Variants in NFIA observed in about 807,000 individuals in gnomAD.
The protein encoded by NFIA is nuclear factor I A.
NFIA carries 8 observed loss-of-function variants against 62.8 expected under a neutral mutation model. That is an observed-to-expected ratio of 0.13 (90% CI 0.07 to 0.23). NFIA has a LOEUF of 0.23. Among genes scored for constraint, NFIA ranks in the 10% least tolerant of loss-of-function variants. The probability of loss-of-function intolerance (pLI) is 1.00; values close to 1 mark genes in which losing one functional copy is unlikely to be tolerated. For missense variants in NFIA, 410 were observed against 642.1 expected, an observed-to-expected ratio of 0.64 and a Z score of 3.91; for synonymous variants, 235 against 238.1, an observed-to-expected ratio of 0.99 and a Z score of 0.12.
chr1:61,441,049 G>A (rs867730128), intron 10 of NFIA, among the ~76,000 whole-genome samples: 1 of 152,186 alleles, frequency 6.6e-6, no homozygotes, highest in East Asian at 1.9e-4. Context: ...CAACTTGCAA[G>A]GCCCCAAAGC....
chr1:61,128,126 A>G (rs1647007393), intron 2 of NFIA, among the ~76,000 whole-genome samples: 1 of 152,168 alleles, frequency 6.6e-6, no homozygotes, highest in East Asian at 1.9e-4. Context: ...ATTTTTATTC[A>G]ATAATGTAGA....
rs1274232094 is a variant in NFIA, at chr1:61,097,274, TAGAC to T, written c.559+8597_559+8600del. ...CAAATAACTTGTGAGTTTCCAGACA[TAGAC>T]AGTTCTCAGAGCATGTGTATTCATA... is the stretch of plus-strand genomic sequence containing the variant. On this transcript the variant is annotated intron_variant, in intron 2 of 10. Transcript: ENST00000403491. Among the ~76,000 whole-genome samples, 8 of 152,182 alleles carry T rather than the reference TAGAC, an allele frequency of 5.3e-5. 1 individual carries two copies. Among genetic ancestry groups the T allele is most frequent in the African/African-American group, 9.7e-5 (4 of 41,432 alleles).
intron 3 of NFIA, among the ~76,000 whole-genome samples, chr1:61,279,647 C>T (rs975013929): frequency 5.3e-5 from 8 of 152,198 alleles, no homozygotes; most frequent in Middle Eastern, 3.4e-3. Flanking sequence ...GTGGACTGTA[C>T]GGGTGTGTAG....
Position 61,286,579 on chromosome 1 carries a change from ACAGGTAT to A in NFIA, c.625+8995_625+9001del, listed in dbSNP as rs562913151. On this transcript the variant is annotated intron_variant, in intron 3 of 10. Coordinates refer to ENST00000403491, the MANE Select transcript of NFIA (RefSeq NM_001134673.4). ...CACCATTTGTTCGTTCATTCATTCA[ACAGGTAT>A]TTATCAAATACACTCTAAGAACCAG... Among the ~76,000 whole-genome samples, 112 of 152,302 alleles carry A rather than the reference ACAGGTAT, an allele frequency of 7.4e-4. No homozygotes were observed. In the Middle Eastern group the frequency reaches 0.01, roughly 14 times the overall value.
At chr1:61,331,136 T>G (rs1661279634) in intron 3 of NFIA, among the ~76,000 whole-genome samples, 1 of 152,142 alleles carries the variant, frequency 6.6e-6, no homozygotes, top group South Asian at 2.1e-4. Flanking sequence ...GATGGTAAAA[T>G]TTTGCCATTT....
chr1:61,265,338 A>G (rs1657091878), intron 2 of NFIA, among the ~76,000 whole-genome samples: 1 of 152,248 alleles, frequency 6.6e-6, no homozygotes, highest in Non-Finnish European at 1.5e-5. Flanking sequence ...GGAGAAAGCC[A>G]TGGTAGAATT....
chr1:61,390,414 C>T (rs553247088), intron 7 of NFIA, among the ~76,000 whole-genome samples: 72 of 151,994 alleles, frequency 4.7e-4, no homozygotes, highest in Non-Finnish European at 9.1e-4. Context: ...AAAGCAATCA[C>T]CATATAAACC....
intron 2 of NFIA, among the ~76,000 whole-genome samples, chr1:61,134,852 T>A (rs1379025887): frequency 6.6e-6 from 1 of 152,160 alleles, no homozygotes; most frequent in African/African-American, 2.4e-5. Flanking sequence ...CAAATTTTTT[T>A]AAACAAGTGT....
chr1:61,242,642 C>T (rs1655412592), intron 2 of NFIA, among the ~76,000 whole-genome samples: 1 of 152,124 alleles, frequency 6.6e-6, no homozygotes, highest in African/African-American at 2.4e-5. Flanking sequence ...CTTCTCCAGG[C>T]AGTTAGTTTA....
chr1:61,166,957 C>A (rs577777923), intron 2 of NFIA, among the ~76,000 whole-genome samples: 20 of 152,224 alleles, frequency 1.3e-4, no homozygotes, highest in African/African-American at 4.8e-4. Flanking sequence ...CTGGCTAACA[C>A]GGTGAAACCC....
At chr1:61,089,714 T>A (rs1349117408) in intron 2 of NFIA, among the ~76,000 whole-genome samples, 15 of 149,344 alleles carry the variant, frequency 1.0e-4, no homozygotes, top group Admixed American at 1.0e-3. Context: ...TTTTTTTTTT[T>A]ACAAAGGAGA....
intron 3 of NFIA, among the ~76,000 whole-genome samples, chr1:61,282,382 T>G (rs1658190016): frequency 1.3e-5 from 2 of 152,208 alleles, no homozygotes; most frequent in South Asian, 4.1e-4. Context: ...GGACTTTGAC[T>G]TAGAACATCG....
chr1:61,386,811 C>G (rs1026825159), intron 7 of NFIA, among the ~76,000 whole-genome samples: 2 of 152,196 alleles, frequency 1.3e-5, no homozygotes, highest in African/African-American at 4.8e-5. Flanking sequence ...GAACAGAACA[C>G]CATAGACTGG....
At chr1:61,350,421 G>A (rs1662484197) in intron 4 of NFIA, among the ~76,000 whole-genome samples, 1 of 152,016 alleles carries the variant, frequency 6.6e-6, no homozygotes, top group African/African-American at 2.4e-5. Flanking sequence ...GCTTTAGACT[G>A]GAAGTTCAAT....
At chr1:61,205,917 T>C (rs1486619217) in intron 2 of NFIA, among the ~76,000 whole-genome samples, 8 of 48,024 alleles carry the variant, frequency 1.7e-4, no homozygotes, top group South Asian at 5.1e-4. Flanking sequence ...TTTTTTTTTT[T>C]TTTTTTTTTT....
intron 6 of NFIA, among the ~76,000 whole-genome samples, chr1:61,380,978 A>G (rs1322017626): frequency 2.0e-5 from 3 of 152,142 alleles, no homozygotes; most frequent in Admixed American, 6.5e-5. Flanking sequence ...AGTATTTAGA[A>G]TGGCATGAAT....
At chr1:61,332,861 G>A (rs997255835) in intron 4 of NFIA, among the ~76,000 whole-genome samples, 10 of 152,120 alleles carry the variant, frequency 6.6e-5, no homozygotes, top group Admixed American at 6.6e-4. Context: ...CATTTTAAAA[G>A]AATTTGTTTT....
At chr1:61,269,518 T>A (rs1341429389) in intron 2 of NFIA, among the ~76,000 whole-genome samples, 1 of 152,148 alleles carries the variant, frequency 6.6e-6, no homozygotes, top group Non-Finnish European at 1.5e-5. Context: ...TATTTTTTTT[T>A]AAAGTTTCTA....
intron 10 of NFIA, among the ~76,000 whole-genome samples, chr1:61,432,911 G>A (rs968373152): frequency 2.6e-5 from 4 of 152,122 alleles, no homozygotes; most frequent in Non-Finnish European, 5.9e-5. Flanking sequence ...CAGTACTCGA[G>A]AGCCCTCTAA....
Sources: gnomAD v4.1 joint callset for allele counts (sites outside exome capture counted in the v4.1 genomes callset) on GRCh38, gnomAD v4.1.1 for gene constraint, MANE v1.5 for transcripts, NCBI Gene and HGNC (gene_info 2026-07-23, HGNC 2026-07-21) for gene names.